The following CACNA2D1 variants were observed in gnomAD, a reference collection of about 807,000 sequenced individuals.
CACNA2D1 encodes calcium voltage-gated channel auxiliary subunit alpha2delta 1.
A neutral mutation model predicts 171.5 loss-of-function variants in CACNA2D1; 53 were observed. The ratio of observed to expected loss-of-function variants is 0.31; its 90% CI spans 0.25 to 0.39. The LOEUF (loss-of-function observed/expected upper bound fraction) is 0.39, where lower values mean the gene tolerates loss of function less well. CACNA2D1 is among the 10% of genes least tolerant of loss of function. The pLI is 1.00. For synonymous variants in CACNA2D1, 442 were observed against 443.1 expected, an observed-to-expected ratio of 1.00 and a Z score of 0.03; for missense variants, 903 against 1,299.8, an observed-to-expected ratio of 0.69 and a Z score of 4.69.
chr7:82,185,552 A>AGGAAGG (rs1797646578), intron 3 of CACNA2D1, among the ~76,000 whole-genome samples: 1 of 7,548 alleles, frequency 1.3e-4, no homozygotes, highest in Non-Finnish European at 2.5e-4. Context: ...GGGGAGGGGG[A>AGGAAGG]GGAGGGGGAG....
chr7:82,374,897 C>T (rs1335772400), intron 1 of CACNA2D1, among the ~76,000 whole-genome samples: 1 of 151,916 alleles, frequency 6.6e-6, no homozygotes, highest in East Asian at 1.9e-4. Flanking sequence ...CTTATTAAAA[C>T]CTATCTCAAT....
At chr7:82,288,422 TAC>T (rs3054677) in intron 3 of CACNA2D1, among the ~76,000 whole-genome samples, 62,721 of 146,982 alleles carry the variant, frequency 0.43, 13,499 homozygotes, top group East Asian at 0.64. Flanking sequence ...TTTGCTTCTA[TAC>T]ACACACACAC....
chr7:82,192,460 TTGTGTGTGTGTGTGTGTGTG>T (rs200160135), intron 3 of CACNA2D1, among the ~76,000 whole-genome samples: 2,018 of 136,738 alleles, frequency 0.015, 46 homozygotes, highest in African/African-American at 0.052. Flanking sequence ...GTGTTTGTGT[TTGTGTGTGTGTGTGTGTGTG>T]TGTGTGTGTG....
chr7:82,167,003 T>C (rs1427080494), intron 4 of CACNA2D1, among the ~76,000 whole-genome samples: 1 of 152,066 alleles, frequency 6.6e-6, no homozygotes, highest in East Asian at 1.9e-4. Context: ...GCCTAAGTAA[T>C]ATTAATGAAA....
At chr7:82,183,795 G>C (rs955338365) in intron 3 of CACNA2D1, among the ~76,000 whole-genome samples, 1 of 152,032 alleles carries the variant, frequency 6.6e-6, no homozygotes, top group African/African-American at 2.4e-5. Flanking sequence ...GTCAACGTAC[G>C]TTACGCTCCC....
At chr7:81,988,747 C>T (rs937670972) in intron 21 of CACNA2D1, among the ~76,000 whole-genome samples, 1 of 152,136 alleles carries the variant, frequency 6.6e-6, no homozygotes, top group Admixed American at 6.6e-5. Flanking sequence ...AATTGAAATT[C>T]TTCAATTCTG....
At chr7:82,066,392 T>C in intron 8 of CACNA2D1, 63 bp downstream of exon 8, 1 of 1,588,234 alleles carries the variant, frequency 6.3e-7, no homozygotes, top group Non-Finnish European at 8.6e-7. Context: ...AAATTCTGAC[T>C]TTTTAGCAAA....
chr7:82,417,012 G>A (rs1828241792), intron 1 of CACNA2D1, among the ~76,000 whole-genome samples: 2 of 152,296 alleles, frequency 1.3e-5, no homozygotes, highest in South Asian at 4.1e-4. Context: ...AGCATATGAA[G>A]AGGCAAGAAG....
At chr7:82,292,768 C>T (rs1035709395) in intron 3 of CACNA2D1, among the ~76,000 whole-genome samples, 2 of 152,084 alleles carry the variant, frequency 1.3e-5, no homozygotes, top group Non-Finnish European at 2.9e-5. Flanking sequence ...GTCTTTCAAT[C>T]TGGCTTCCAA....
At chr7:82,410,483 G>A (rs1220170662) in intron 1 of CACNA2D1, 1 of 984,160 alleles carries the variant, frequency 1.0e-6, no homozygotes, top group Non-Finnish European at 1.2e-6. Context: ...CATGTTAACA[G>A]GCAGTAGAAA....
chr7:82,401,213 C>A (rs1466114799), intron 1 of CACNA2D1, among the ~76,000 whole-genome samples: 4 of 152,110 alleles, frequency 2.6e-5, no homozygotes. Context: ...TGGGTATATA[C>A]CCAAAGGACT....
intron 32 of CACNA2D1, 43 bp from the exon 33 acceptor site, chr7:81,964,402 T>C: frequency 6.4e-7 from 1 of 1,550,982 alleles, no homozygotes; most frequent in Non-Finnish European, 8.9e-7. Flanking sequence ...ACTTAAAATG[T>C]AAGCCAAAAA....
intron 15 of CACNA2D1, chr7:82,009,063 A>T (rs1799448321): frequency 6.6e-6 from 1 of 152,114 alleles, no homozygotes; most frequent in Admixed American, 6.6e-5. Context: ...GTGTTGTGGG[A>T]GAGATCCAGA....
chr7:82,432,037 T>TAAAAAAAAAA lies in CACNA2D1; in HGVS notation c.95+11318_95+11327dup, dbSNP rs34180150. Among the ~76,000 whole-genome samples the TAAAAAAAAAA allele has an allele frequency of 3.0e-3, 250 of 82,178 alleles. 4 individuals are homozygous for TAAAAAAAAAA. Among genetic ancestry groups the TAAAAAAAAAA allele is most frequent in the East Asian group, 4.3e-3 (14 of 3,266 alleles). The allele number at this position is 82,178 out of a possible 152,430, so 53.9% of individuals were successfully genotyped here. On this transcript the variant is annotated intron_variant, in intron 1 of 38. Transcript: ENST00000356860. ...TGGGCAACAGAACAAGACTCTGTCT[T>TAAAAAAAAAA]AAAAAAAAAAAAAAAAAAAAATTGG... is the stretch of plus-strand genomic sequence containing the variant.
At chr7:82,357,774 A>C (rs989985771) in intron 1 of CACNA2D1, among the ~76,000 whole-genome samples, 4 of 151,536 alleles carry the variant, frequency 2.6e-5, no homozygotes, top group African/African-American at 9.7e-5. Context: ...TGACCAGTTA[A>C]TGGGTGCAGC....
intron 3 of CACNA2D1, among the ~76,000 whole-genome samples, chr7:82,195,017 T>C (rs1322722593): frequency 6.6e-6 from 1 of 152,022 alleles, no homozygotes; most frequent in Non-Finnish European, 1.5e-5. Context: ...AAATGTTTCA[T>C]GTGCAATTCT....
intron 3 of CACNA2D1, among the ~76,000 whole-genome samples, chr7:82,282,100 C>T (rs1386389827): frequency 1.3e-5 from 2 of 152,038 alleles, no homozygotes; most frequent in African/African-American, 2.4e-5. Flanking sequence ...AGTTCAAGAC[C>T]AACCTTGTCA....
At chr7:82,204,389 G>C (rs185409252) in intron 3 of CACNA2D1, among the ~76,000 whole-genome samples, 2 of 152,188 alleles carry the variant, frequency 1.3e-5, no homozygotes, top group African/African-American at 4.8e-5. Context: ...AAGACCTAGG[G>C]GAGGAAGGAT....
At chr7:82,087,251 A>C (rs1179030654) in intron 6 of CACNA2D1, among the ~76,000 whole-genome samples, 1 of 152,146 alleles carries the variant, frequency 6.6e-6, no homozygotes, top group African/African-American at 2.4e-5. Context: ...CCATTATCCT[A>C]TTAGTCACAG....
Sources: allele counts gnomAD v4.1 joint callset (sites outside exome capture counted in the v4.1 genomes callset), GRCh38; gene constraint gnomAD v4.1.1; transcripts MANE v1.5; gene names NCBI Gene and HGNC (gene_info 2026-07-23, HGNC 2026-07-21).